The following CCDC102B variants were observed in gnomAD, a reference collection of about 807,000 sequenced individuals.
CCDC102B encodes coiled-coil domain containing 102B.
CCDC102B carries 75 observed loss-of-function variants against 57.4 expected under a neutral mutation model. That is an observed-to-expected ratio of 1.31 (90% CI 1.08 to 1.58). The LOEUF is 1.58. Among genes scored for constraint, CCDC102B ranks in the 40% most tolerant of loss-of-function variants. CCDC102B has a pLI of 0.00. For synonymous variants in CCDC102B, 206 were observed against 201.9 expected, an observed-to-expected ratio of 1.02 and a Z score of -0.17; for missense variants, 636 against 582.6, an observed-to-expected ratio of 1.09 and a Z score of -0.94.
intron 6 of CCDC102B, among the ~76,000 whole-genome samples, chr18:69,005,994 C>T (rs2051330583): frequency 6.6e-6 from 1 of 151,910 alleles, no homozygotes; most frequent in Non-Finnish European, 1.5e-5. Flanking sequence ...ATTTTCTGTT[C>T]AGATTTTTCT....
intron 2 of CCDC102B, among the ~76,000 whole-genome samples, chr18:68,738,682 A>G (rs529769280): frequency 2.7e-4 from 41 of 152,274 alleles, no homozygotes; most frequent in African/African-American, 9.9e-4. Context: ...ACTAACATTT[A>G]TTTTTTAATT....
At chr18:69,047,935 A>G (rs757488349) in intron 7 of CCDC102B, among the ~76,000 whole-genome samples, 1 of 152,160 alleles carries the variant, frequency 6.6e-6, no homozygotes, top group Non-Finnish European at 1.5e-5. Flanking sequence ...AAGAATCAAT[A>G]TTGTATAAAT....
intron 6 of CCDC102B, among the ~76,000 whole-genome samples, chr18:68,984,751 T>G (rs2145304642): frequency 6.6e-6 from 1 of 152,282 alleles, no homozygotes; most frequent in Non-Finnish European, 1.5e-5. Flanking sequence ...GAGATAAAAC[T>G]TAAATATTCC....
chr18:68,828,474 C>T lies in CCDC102B; in HGVS notation c.-15-8275C>T, dbSNP rs570038609. On this transcript the variant is annotated intron_variant, in intron 1 of 7. Transcript: ENST00000360242. ...CTAAAGAAGCAAAAATTAGACAACA[C>T]ATGTCTAAATAATTCATGGTTCAAT... Among the ~76,000 whole-genome samples, 36 of 151,086 alleles carry T rather than the reference C, an allele frequency of 2.4e-4. 1 individual carries two copies. The highest frequency in any genetic ancestry group is 7.8e-4 in the African/African-American group (32 of 41,272).
chr18:68,833,023 A>G (rs965707514), intron 1 of CCDC102B, among the ~76,000 whole-genome samples: 3 of 152,320 alleles, frequency 2.0e-5, no homozygotes, highest in East Asian at 1.9e-4. Flanking sequence ...GTGTAATTTA[A>G]TAGGAGATAT....
chr18:69,016,404 G>A lies in CCDC102B; in HGVS notation c.1434+5300G>A, dbSNP rs560609838. 6.6e-5 allele frequency among the ~76,000 whole-genome samples: 10 copies of A among 152,172 alleles called. No individual in the cohort carries two copies. The South Asian group carries it at 1.9e-3, about 28-fold the overall frequency. ...ATTACAATGACACTTGACTCTCTAC[G>A]CTACAGAACTAGTGTCAGGAAGGCT... On this transcript the variant is annotated intron_variant, in intron 7 of 7. Transcript: ENST00000360242.
At chr18:68,837,453 G>A (rs1897142823) in intron 2 of CCDC102B, 84 bp downstream of exon 2, 3 of 1,339,570 alleles carry the variant, frequency 2.2e-6, no homozygotes, top group African/African-American at 2.9e-5. Flanking sequence ...CAAATGCAAT[G>A]GTGATTATAC....
chr18:68,751,526 AAG>A (rs979355679), intron 2 of CCDC102B, among the ~76,000 whole-genome samples: 19 of 152,156 alleles, frequency 1.2e-4, no homozygotes, highest in Admixed American at 9.2e-4. Flanking sequence ...AGATAGCAAA[AAG>A]GACATTTGTT....
chr18:68,927,378 TCTG>T (rs2145127948), intron 6 of CCDC102B, among the ~76,000 whole-genome samples: 1 of 152,112 alleles, frequency 6.6e-6, no homozygotes, highest in East Asian at 1.9e-4. Context: ...GCAAGGGCAA[TCTG>T]GTAGATAGAG....
At chr18:69,011,148 G>C in intron 7 of CCDC102B, 44 bp downstream of exon 7, 5 of 1,497,724 alleles carry the variant, frequency 3.3e-6, no homozygotes, top group Non-Finnish European at 4.5e-6. Flanking sequence ...CTTCTAAATA[G>C]TATTTTAGAG....
intron 7 of CCDC102B, among the ~76,000 whole-genome samples, chr18:69,046,510 T>A (rs971280279): frequency 6.6e-6 from 1 of 152,130 alleles, no homozygotes; most frequent in African/African-American, 2.4e-5. Flanking sequence ...GTCAGATGGA[T>A]GGTTTGCAAA....
rs9958464 is a variant in CCDC102B at position 68,879,323 on chromosome 18, A to C, written c.1053+4538A>C. ...GACCCAAAGAGTGAGCAGTAGCAAG[A>C]TTTATTGCAAAGAACGAAAGAACAA... On this transcript the variant is annotated intron_variant, in intron 5 of 7. Transcript: ENST00000360242. Among the ~76,000 whole-genome samples the C allele has an allele frequency of 6.1e-3, 925 of 152,224 alleles. 8 individuals carry two copies. Among genetic ancestry groups the C allele is most frequent in the African/African-American group, 0.02 (849 of 41,544 alleles).
In CCDC102B at chr18:69,054,514, T is replaced by A; in HGVS notation, c.*377T>A. ...ATAAGAAAACCATTGACTTTAAGTA[T>A]AAAGTACTGGTTTGTTTAAATAATT... is the stretch of plus-strand genomic sequence containing the variant. On this transcript the variant is annotated 3_prime_UTR_variant, in exon 8 of 8. Transcript: ENST00000360242. 3.0e-6 allele frequency: 3 copies of A among 999,288 alleles called. No individual in the cohort carries two copies. The highest frequency in any genetic ancestry group is 3.6e-6 in the Non-Finnish European group (3 of 839,372). 61.9% of individuals were successfully genotyped at this position (999,288 alleles called of 1,614,324 possible).
chr18:68,758,660 G>A (rs2034138899), intron 2 of CCDC102B, among the ~76,000 whole-genome samples: 1 of 150,418 alleles, frequency 6.6e-6, no homozygotes, highest in Admixed American at 6.6e-5. Flanking sequence ...GCTCTGATAA[G>A]AGAAAAAAAT....
At chr18:68,740,938 T>A (rs2033352512) in intron 2 of CCDC102B, among the ~76,000 whole-genome samples, 1 of 152,232 alleles carries the variant, frequency 6.6e-6, no homozygotes, top group South Asian at 2.1e-4. Flanking sequence ...AAAATTGTTA[T>A]TTCTTGAATT....
At chr18:68,937,647 T>C (rs11151473) in intron 6 of CCDC102B, among the ~76,000 whole-genome samples, 82,102 of 151,924 alleles carry the variant, frequency 0.54, 26,270 homozygotes, top group Non-Finnish European at 0.69. Flanking sequence ...ATGTGCAGAA[T>C]GTGCAGTTCT....
rs183445991 is a variant in CCDC102B at position 69,000,778 on chromosome 18, G to A, written c.1264-10156G>A. On this transcript the variant is annotated intron_variant, in intron 6 of 7. Coordinates refer to ENST00000360242, the MANE Select transcript of CCDC102B (RefSeq NM_024781.3). ...TTTTTATAGTCTGGGAACCTGCAGCGTCAAATTTGGAAATTTGAATTTTAC... is the reference window on the plus strand; with the variant it reads ...TTTTTATAGTCTGGGAACCTGCAGCATCAAATTTGGAAATTTGAATTTTAC... Among the ~76,000 whole-genome samples the A allele has an allele frequency of 1.3e-3, 196 of 152,226 alleles. 1 individual carries two copies. The South Asian group carries it at 0.023, about 18-fold the overall frequency.
Position 68,988,278 on chromosome 18 carries a change from CA to C in CCDC102B, c.1264-22653del, listed in dbSNP as rs1203421270. On this transcript the variant is annotated intron_variant, in intron 6 of 7. Transcript: ENST00000360242. ...TGTAGCTGGAGGCAATCACCCTAAG[CA>C]AATTAACACAGGAATGGACAGCCAA... 5.3e-5 allele frequency among the ~76,000 whole-genome samples: 8 copies of C among 152,086 alleles called. No individual in the cohort carries two copies. In the South Asian group the frequency reaches 1.2e-3, roughly 24 times the overall value.
At chr18:69,010,404 C>T (rs2145391246) in intron 6 of CCDC102B, among the ~76,000 whole-genome samples, 1 of 152,030 alleles carries the variant, frequency 6.6e-6, no homozygotes, top group East Asian at 1.9e-4. Flanking sequence ...TCTAATCATC[C>T]TATGATAGAT....
Sources: allele counts gnomAD v4.1 joint callset (sites outside exome capture counted in the v4.1 genomes callset), GRCh38; gene constraint gnomAD v4.1.1; transcripts MANE v1.5; gene names NCBI Gene and HGNC (gene_info 2026-07-23, HGNC 2026-07-21).